NPHP4: variants seen among roughly 807,000 people sequenced by gnomAD.
The protein encoded by NPHP4 is nephrocystin-4.
In NPHP4, 151 loss-of-function variants were observed where a neutral mutation model predicts 155.8. The ratio of observed to expected loss-of-function variants is 0.97; its 90% CI spans 0.85 to 1.11. The LOEUF (loss-of-function observed/expected upper bound fraction) is 1.11, where lower values mean the gene tolerates loss of function less well. NPHP4 is among the 50% of genes least tolerant of loss of function. The pLI is 0.00. For missense variants in NPHP4, 1,956 were observed against 1,925.7 expected, an observed-to-expected ratio of 1.02 and a Z score of -0.29; for synonymous variants, 845 against 816.8, an observed-to-expected ratio of 1.03 and a Z score of -0.59.
chr1:5,914,488 G>C (rs1336307745), intron 11 of NPHP4, among the ~76,000 whole-genome samples: 1 of 152,150 alleles, frequency 6.6e-6, no homozygotes, highest in Non-Finnish European at 1.5e-5. Flanking sequence ...CCAGGCTGCG[G>C]TGTCCATGTC....
chr1:5,914,655 T>C (rs895261235), intron 11 of NPHP4, among the ~76,000 whole-genome samples: 6 of 152,248 alleles, frequency 3.9e-5, no homozygotes, highest in African/African-American at 1.4e-4. Flanking sequence ...TAGATTCATT[T>C]TCCAACAAAC....
chr1:5,873,786 AC>A, intron 22 of NPHP4: 1 of 278,192 alleles, frequency 3.6e-6, no homozygotes, highest in South Asian at 3.5e-5. Flanking sequence ...CACCTCACAC[AC>A]CACCCCCTGC....
chr1:5,870,361 A>G (rs563095465), intron 23 of NPHP4, among the ~76,000 whole-genome samples: 6 of 152,352 alleles, frequency 3.9e-5, no homozygotes, highest in African/African-American at 1.4e-4. Context: ...TTCATTGTTC[A>G]TAAGGATATA....
intron 18 of NPHP4, among the ~76,000 whole-genome samples, chr1:5,883,976 T>G (rs1408698387): frequency 2.0e-5 from 3 of 152,204 alleles, no homozygotes; most frequent in African/African-American, 7.2e-5. Context: ...GGAACCCTGC[T>G]GGGCTTCATG....
chr1:5,891,230 C>G (rs924116714), intron 16 of NPHP4, among the ~76,000 whole-genome samples: 1 of 152,190 alleles, frequency 6.6e-6, no homozygotes, highest in Admixed American at 6.5e-5. Flanking sequence ...ACATTTCTTT[C>G]GCATAGAAAC....
intron 9 of NPHP4, among the ~76,000 whole-genome samples, chr1:5,942,391 C>T (rs1044892594): frequency 2.0e-5 from 3 of 151,312 alleles, no homozygotes; most frequent in African/African-American, 7.3e-5. Context: ...ATTAGCCGGG[C>T]GTGGTGGCAG....
At chr1:5,902,849 T>A (rs137976486) in intron 16 of NPHP4, among the ~76,000 whole-genome samples, 1 of 152,200 alleles carries the variant, frequency 6.6e-6, no homozygotes, top group African/African-American at 2.4e-5. Flanking sequence ...ATGGAATAAT[T>A]AGAAGCACAT....
At chr1:5,908,821 C>T (rs112606621) in intron 12 of NPHP4, among the ~76,000 whole-genome samples, 8 of 152,232 alleles carry the variant, frequency 5.3e-5, no homozygotes, top group Admixed American at 3.9e-4. Flanking sequence ...GTGAGGACCA[C>T]ACCTCGATGT....
chr1:5,967,655 A>G (rs1449977074), intron 4 of NPHP4, among the ~76,000 whole-genome samples: 1 of 152,332 alleles, frequency 6.6e-6, no homozygotes, highest in East Asian at 1.9e-4. Context: ...GTCTCAAGAC[A>G]ACATCTGAGG....
intron 16 of NPHP4, 145 bp downstream of exon 16, chr1:5,904,468 CTAAG>C (rs1245275785): frequency 5.6e-6 from 3 of 533,488 alleles, no homozygotes; most frequent in African/African-American, 3.9e-5. Flanking sequence ...GCTGCTGGGG[CTAAG>C]TGTTTGCTGC....
chr1:5,884,027 A>C (rs906871628), intron 18 of NPHP4, among the ~76,000 whole-genome samples: 2 of 152,158 alleles, frequency 1.3e-5, no homozygotes, highest in Non-Finnish European at 2.9e-5. Context: ...GGCACATGGG[A>C]AAATAAACCA....
chr1:5,948,153 G>A lies in NPHP4; in HGVS notation c.909C>T (p.Val303=), dbSNP rs201488441. The part of the protein sequence containing the change: ...NGLGFVQRPQ[V]VVLVPEMDVA... The stretch of plus-strand genomic sequence containing the variant: ...CATCCATCTCAGGCACCAGTACAAC[G>A]ACCTGCGGCCTCTGCACGAAGCCCA... The change falls in exon 8 of 30, where the codon GTC becomes GTT. Residue 303 remains valine (V), a synonymous_variant. Transcript: ENST00000378156. 9.2e-5 allele frequency: 148 copies of A among 1,613,518 alleles called. No individual in the cohort carries two copies. Among genetic ancestry groups the A allele is most frequent in the African/African-American group, 9.1e-4 (68 of 75,012 alleles).
intron 3 of NPHP4, among the ~76,000 whole-genome samples, chr1:5,972,414 C>T (rs879288476): frequency 2.0e-5 from 3 of 152,180 alleles, no homozygotes; most frequent in Admixed American, 1.3e-4. Context: ...CCCTGCCCCA[C>T]GAATTATCCA....
rs1226860120 is a variant in NPHP4, at chr1:5,890,232, G to A, written c.2304+636C>T. On this transcript the variant is annotated intron_variant, in intron 17 of 29. Coordinates refer to ENST00000378156, the MANE Select transcript of NPHP4 (RefSeq NM_015102.5). This position sits in a 1 kb window ranked among gnomAD's most constrained non-coding sequence, Gnocchi z 4.9. The stretch of plus-strand genomic sequence containing the variant: ...CATCCTCTCCCAGCTCCGTCCCGTG[G>A]CCTGAGAGAAGTCTCAGGACACCAT... Among the ~76,000 whole-genome samples, 1 of 152,172 alleles carries A rather than the reference G, an allele frequency of 6.6e-6. No individual in the cohort carries two copies. Among genetic ancestry groups the A allele is most frequent in the African/African-American group, 2.4e-5 (1 of 41,436 alleles).
chr1:5,923,942 T>C (rs1044223250), intron 11 of NPHP4, among the ~76,000 whole-genome samples: 1 of 152,126 alleles, frequency 6.6e-6, no homozygotes, highest in Non-Finnish European at 1.5e-5. Flanking sequence ...ACAAAGATAT[T>C]AGAATTAGCA....
At position 5,863,231 on chromosome 1, in the gene NPHP4, T is replaced by C. The variant is rs2100353988; in HGVS notation, c.*34A>G. ...AGGAGGGGCACAGACAGGCCCCAGC[T>C]GGGTGCCGCAGGAAGGACGTCACCC... On this transcript the variant is annotated 3_prime_UTR_variant, in exon 30 of 30. Coordinates refer to ENST00000378156, the MANE Select transcript of NPHP4 (RefSeq NM_015102.5). The C allele has an allele frequency of 6.2e-7, 1 of 1,613,166 alleles. No individual in the cohort carries two copies. The highest frequency in any genetic ancestry group is 8.5e-7 in the Non-Finnish European group (1 of 1,179,172).
Position 5,920,533 on chromosome 1 carries a change from G to C in NPHP4, c.1441+7116C>G, listed in dbSNP as rs182436938. On this transcript the variant is annotated intron_variant, in intron 11 of 29. Coordinates refer to ENST00000378156, the MANE Select transcript of NPHP4 (RefSeq NM_015102.5). ...GCCAACCAGAAGAACCACAATGGCA[G>C]TGGCATGGGGACAACGTTAATGATC... Among the ~76,000 whole-genome samples, 645 of 152,256 alleles carry C rather than the reference G, an allele frequency of 4.2e-3. 6 individuals are homozygous for C. Among genetic ancestry groups the C allele is most frequent in the African/African-American group, 0.014 (598 of 41,530 alleles).
intron 4 of NPHP4, among the ~76,000 whole-genome samples, chr1:5,967,714 T>A (rs1326880404): frequency 6.6e-6 from 1 of 152,180 alleles, no homozygotes; most frequent in Non-Finnish European, 1.5e-5. Flanking sequence ...CCAGCGATGA[T>A]TCTGCTCCCT....
chr1:5,938,019 C>G (rs920459381), intron 9 of NPHP4, among the ~76,000 whole-genome samples: 3 of 152,220 alleles, frequency 2.0e-5, no homozygotes, highest in Non-Finnish European at 2.9e-5. Flanking sequence ...CAGCTCCCAC[C>G]CTGTGAAATG....
Sources: allele counts gnomAD v4.1 joint callset (sites outside exome capture counted in the v4.1 genomes callset), GRCh38; gene constraint gnomAD v4.1.1; non-coding constraint Gnocchi (gnomAD v3.1); transcripts MANE v1.5; gene names NCBI Gene and HGNC (gene_info 2026-07-23, HGNC 2026-07-21).